The following ZFHX4 variants were observed in gnomAD, a reference collection of about 807,000 sequenced individuals.
The protein encoded by ZFHX4 is zinc finger homeobox 4, also known as zinc finger homeobox protein 4.
ZFHX4 carries 56 observed loss-of-function variants against 267.6 expected under a neutral mutation model. The observed-to-expected ratio is 0.21, with a 90% CI of 0.17 to 0.26. The LOEUF is 0.26. Among genes scored for constraint, ZFHX4 ranks in the 10% least tolerant of loss-of-function variants. The pLI, the probability that ZFHX4 is intolerant of heterozygous loss-of-function variation, is 1.00. For missense variants in ZFHX4, 4,332 were observed against 4,420.0 expected (o/e 0.98, Z 0.56); for synonymous variants, 1,778 against 1,665.6 (o/e 1.07, Z -1.64).
intron 4 of ZFHX4, among the ~76,000 whole-genome samples, chr8:76,805,946 G>A (rs1002551973): frequency 3.3e-5 from 5 of 152,024 alleles, no homozygotes; most frequent in African/African-American, 1.2e-4. Flanking sequence ...CTAGAATCAA[G>A]TCTTATCAAC....
intron 1 of ZFHX4, among the ~76,000 whole-genome samples, chr8:76,686,417 C>T (rs923354861): frequency 7.2e-5 from 11 of 152,156 alleles, no homozygotes; most frequent in African/African-American, 2.4e-4. Flanking sequence ...ATTTGCAGAA[C>T]TACTTTTTAT....
chr8:76,681,854 T>A (rs1248401810), intron 1 of ZFHX4, among the ~76,000 whole-genome samples: 1 of 152,098 alleles, frequency 6.6e-6, no homozygotes, highest in Non-Finnish European at 1.5e-5. Flanking sequence ...TTCCCCTTTT[T>A]TTTGGCTCAA....
chr8:76,714,606 A>G (rs1808516373), intron 3 of ZFHX4, among the ~76,000 whole-genome samples: 1 of 152,354 alleles, frequency 6.6e-6, no homozygotes, highest in East Asian at 1.9e-4. Flanking sequence ...GATTAGTATA[A>G]CAGTCACAAA....
intron 4 of ZFHX4, among the ~76,000 whole-genome samples, chr8:76,787,112 C>T (rs1474271939): frequency 6.6e-6 from 1 of 152,064 alleles, no homozygotes; most frequent in Non-Finnish European, 1.5e-5. Flanking sequence ...ATCAACAAAA[C>T]AACAAACAAT....
intron 1 of ZFHX4, among the ~76,000 whole-genome samples, chr8:76,690,346 A>C (rs1197845712): frequency 6.6e-6 from 1 of 152,106 alleles, no homozygotes; most frequent in African/African-American, 2.4e-5. Context: ...TTAAAATACA[A>C]AAACATATGA....
intron 7 of ZFHX4, 90 bp from the exon 8 acceptor site, chr8:76,849,422 A>C: frequency 1.6e-6 from 2 of 1,227,616 alleles, no homozygotes; most frequent in Non-Finnish European, 2.4e-6. Flanking sequence ...ATGTACCAAA[A>C]TATCACACGT....
rs368616359 is a variant in ZFHX4, at chr8:76,778,342, C to A, written c.3228C>A (p.Gly1076=). Residue 1076 remains glycine (G), a synonymous_variant, in exon 4 of 11, where the codon GGC becomes GGA. Coordinates refer to ENST00000651372, the MANE Select transcript of ZFHX4 (RefSeq NM_024721.5). ...CGGTGAAGCATCAGCAGACTGAGGG[C>A]CTACGGAAGCTCCAGCTCCACCAGC... ...VRSVKHQQTE[G]LRKLQLHQQG... 1 of 1,613,754 alleles carries A rather than the reference C, an allele frequency of 6.2e-7. No homozygotes were observed. Among genetic ancestry groups the A allele is most frequent in the African/African-American group, 1.3e-5 (1 of 74,896 alleles).
chr8:76,707,378 A>T (rs150687045), intron 2 of ZFHX4, among the ~76,000 whole-genome samples, 168 bp from the exon 3 acceptor site: 3 of 152,330 alleles, frequency 2.0e-5, no homozygotes, highest in African/African-American at 7.2e-5. Context: ...GGAATTTAGA[A>T]GTTGAAAGGG....
At chr8:76,815,421 C>G (rs964864063) in intron 4 of ZFHX4, among the ~76,000 whole-genome samples, 5 of 152,178 alleles carry the variant, frequency 3.3e-5, no homozygotes, top group African/African-American at 1.2e-4. Context: ...TGAGGACCCA[C>G]TTTCCCATAA....
At chr8:76,702,753 C>T (rs1808137154) in intron 1 of ZFHX4, among the ~76,000 whole-genome samples, 1 of 152,160 alleles carries the variant, frequency 6.6e-6, no homozygotes, top group African/African-American at 2.4e-5. Context: ...TTATGAGACT[C>T]TTCAAATTTA....
chr8:76,782,025 G>A (rs553223256), intron 4 of ZFHX4: 3 of 305,708 alleles, frequency 9.8e-6, no homozygotes, highest in East Asian at 8.0e-5. Flanking sequence ...CATTTCCATG[G>A]AATTTCCATT....
rs1563560495 is a variant in ZFHX4, at chr8:76,852,616, C to T, written c.5695C>T (p.Arg1899Ter). The change falls in exon 10 of 11, where the codon CGA (arginine) becomes TGA (stop). Residue 1899 changes from arginine to a stop codon, truncating the protein, a stop_gained. Coordinates refer to ENST00000651372, the MANE Select transcript of ZFHX4 (RefSeq NM_024721.5). LOFTEE classifies it high-confidence loss of function. ...CTTGGAACCATCCATCCCACCACCCCGAATAGCTTCAGGGGCCAGAGGAAA... is the reference window on the plus strand; with the variant it reads ...CTTGGAACCATCCATCCCACCACCCTGAATAGCTTCAGGGGCCAGAGGAAA... The part of the protein sequence containing the change: ...KSLEPSIPPP[R>*]IASGARGNAA... The T allele has an allele frequency of 6.2e-7, 1 of 1,612,494 alleles. No individual in the cohort carries two copies.
At chr8:76,690,187 A>G (rs1019682262) in intron 1 of ZFHX4, among the ~76,000 whole-genome samples, 5 of 152,112 alleles carry the variant, frequency 3.3e-5, no homozygotes, top group Non-Finnish European at 7.4e-5. Context: ...AGCTATAAAA[A>G]AGAAATCACT....
Position 76,855,170 on chromosome 8 carries a change from C to A in ZFHX4, c.8249C>A (p.Ser2750Tyr). ...IDLSSENELA[S>Y]TVSTPVSKTA... Reference sequence around the variant, plus strand: ...CTATCAAGTGAGAATGAATTGGCTTCTACAGTGTCAACACCTGTTAGTAAA... The same window carrying A: ...CTATCAAGTGAGAATGAATTGGCTTATACAGTGTCAACACCTGTTAGTAAA... Residue 2750 changes from serine (S) to tyrosine (Y), a missense_variant, in exon 10 of 11, where the codon TCT (serine) becomes TAT (tyrosine). By Grantham distance (144) the Ser-to-Tyr change is moderately radical. Around this residue, in one of 7 missense-constraint regions of ZFHX4, gnomAD observed 1,648 missense variants for 1,625.0 expected, o/e 1.01. Coordinates refer to ENST00000651372, the MANE Select transcript of ZFHX4 (RefSeq NM_024721.5). The A allele has an allele frequency of 6.2e-7, 1 of 1,613,674 alleles. No individual in the cohort carries two copies.
chr8:76,813,175 G>A, intron 4 of ZFHX4, among the ~76,000 whole-genome samples: 1 of 152,046 alleles, frequency 6.6e-6, no homozygotes, highest in Non-Finnish European at 1.5e-5. Context: ...GATTTATTGG[G>A]GGAGGGGAAG....
chr8:76,756,520 G>A (rs913554273), intron 3 of ZFHX4, among the ~76,000 whole-genome samples: 1 of 152,034 alleles, frequency 6.6e-6, no homozygotes, highest in Admixed American at 6.6e-5. Flanking sequence ...AATTTCTGAT[G>A]TTAGATGCCT....
chr8:76,831,361 GA>G (rs1248447579), intron 4 of ZFHX4, among the ~76,000 whole-genome samples: 4 of 152,038 alleles, frequency 2.6e-5, no homozygotes, highest in African/African-American at 9.7e-5. Context: ...TTCTTCACTA[GA>G]AAAAAGAGAA....
chr8:76,782,100 A>ATTTT (rs77420241), intron 4 of ZFHX4: 19 of 236,746 alleles, frequency 8.0e-5, no homozygotes, highest in East Asian at 3.0e-4. Context: ...TCAGTTAAGA[A>ATTTT]TTTTTTTTTT....
At position 76,705,163 on chromosome 8, in the gene ZFHX4, A is replaced by G. The variant is rs753750852; in HGVS notation, c.1075A>G (p.Thr359Ala). 24 of 1,613,772 alleles carry G rather than the reference A, an allele frequency of 1.5e-5. No individual in the cohort carries two copies. The South Asian group carries it at 1.9e-4, about 13-fold the overall frequency. The change falls in exon 2 of 11, where the codon ACC becomes GCC. Residue 359 changes from threonine (T) to alanine (A), a missense_variant. Transcript: ENST00000651372. Reference sequence around the variant, plus strand: ...TACAAACCTCATAGGACCCGATCCAACCTTCCGCGGTTTATGGAGCGCTTT... The same window carrying G: ...TACAAACCTCATAGGACCCGATCCAGCCTTCCGCGGTTTATGGAGCGCTTT... ...STTNLIGPDPTFRGLWSAFHV... is the reference protein window; with the variant it reads ...STTNLIGPDPAFRGLWSAFHV...
Sources: allele counts gnomAD v4.1 joint callset (sites outside exome capture counted in the v4.1 genomes callset), GRCh38; gene constraint gnomAD v4.1.1; regional missense constraint gnomAD v4.1.1; transcripts MANE v1.5; gene names NCBI Gene and HGNC (gene_info 2026-07-23, HGNC 2026-07-21).